The following SEMA3A variants were observed in gnomAD, a reference collection of about 807,000 sequenced individuals.
SEMA3A encodes the protein semaphorin-3A.
Under a neutral mutation model 97.9 loss-of-function variants are expected in SEMA3A, and 29 were observed. The ratio of observed to expected loss-of-function variants is 0.30; its 90% CI spans 0.22 to 0.40. SEMA3A has a LOEUF of 0.40. Among genes scored for constraint, SEMA3A ranks in the 10% least tolerant of loss-of-function variants. SEMA3A has a pLI of 1.00. For missense variants in SEMA3A, 763 were observed against 951.3 expected (o/e 0.80, Z 2.60); for synonymous variants, 321 against 323.7 (o/e 0.99, Z 0.09).
chr7:84,471,579 G>T (rs1806150677), intron 1 of SEMA3A, among the ~76,000 whole-genome samples: 1 of 152,016 alleles, frequency 6.6e-6, no homozygotes, highest in Non-Finnish European at 1.5e-5. Context: ...AGATTTGTGA[G>T]ACAATAATAC....
At chr7:84,236,965 C>T (rs1345386704) in intron 3 of SEMA3A, among the ~76,000 whole-genome samples, 2 of 151,898 alleles carry the variant, frequency 1.3e-5, no homozygotes, top group East Asian at 3.9e-4. Context: ...ATACTTAAAG[C>T]AATATCATAT....
intron 2 of SEMA3A, among the ~76,000 whole-genome samples, chr7:84,308,554 G>A (rs929212589): frequency 2.6e-5 from 4 of 152,134 alleles, no homozygotes; most frequent in African/African-American, 7.2e-5. Context: ...CATAATATAT[G>A]ACAAGAATGG....
intron 12 of SEMA3A, among the ~76,000 whole-genome samples, chr7:83,985,755 TGCACAGTGA>T (rs1168825926): frequency 2.0e-5 from 3 of 152,196 alleles, no homozygotes; most frequent in African/African-American, 7.2e-5. Flanking sequence ...AACATGAGCC[TGCACAGTGA>T]GCACAGTGAG....
At chr7:84,471,085 T>C (rs1308855867) in intron 1 of SEMA3A, among the ~76,000 whole-genome samples, 1 of 152,008 alleles carries the variant, frequency 6.6e-6, no homozygotes, top group Non-Finnish European at 1.5e-5. Flanking sequence ...AACTTTGAGG[T>C]TCATAACCAG....
intron 3 of SEMA3A, among the ~76,000 whole-genome samples, chr7:84,204,819 G>A (rs775716718): frequency 1.3e-5 from 2 of 152,162 alleles, no homozygotes; most frequent in African/African-American, 2.4e-5. Context: ...ACAAGTATGA[G>A]GTTGCCTTTG....
chr7:84,043,538 A>C (rs2115567212), intron 6 of SEMA3A, among the ~76,000 whole-genome samples: 1 of 152,242 alleles, frequency 6.6e-6, no homozygotes, highest in Non-Finnish European at 1.5e-5. Context: ...TTTGCAAAGC[A>C]ATGTGTTAAT....
intron 2 of SEMA3A, among the ~76,000 whole-genome samples, chr7:84,346,122 G>C (rs1038128216): frequency 6.6e-6 from 1 of 152,124 alleles, no homozygotes; most frequent in Admixed American, 6.5e-5. Flanking sequence ...CTGAAACCTT[G>C]TAAACCAACC....
At chr7:84,398,668 C>T (rs1803807215) in intron 1 of SEMA3A, among the ~76,000 whole-genome samples, 1 of 151,642 alleles carries the variant, frequency 6.6e-6, no homozygotes, top group Non-Finnish European at 1.5e-5. Context: ...ATTAGCCAAA[C>T]CTGGTGGCAT....
chr7:84,203,809 G>T (rs910486168), intron 3 of SEMA3A, among the ~76,000 whole-genome samples: 4 of 151,826 alleles, frequency 2.6e-5, no homozygotes, highest in Admixed American at 2.6e-4. Flanking sequence ...GGGATTACAG[G>T]AGTGAGCCAC....
intron 3 of SEMA3A, among the ~76,000 whole-genome samples, chr7:84,210,477 C>A (rs983629970): frequency 6.6e-6 from 1 of 151,078 alleles, no homozygotes; most frequent in Admixed American, 6.6e-5. Flanking sequence ...ACAATTTTGT[C>A]ATTAACAGGG....
At chr7:84,331,348 T>C (rs1801904740) in intron 2 of SEMA3A, among the ~76,000 whole-genome samples, 1 of 152,182 alleles carries the variant, frequency 6.6e-6, no homozygotes, top group South Asian at 2.1e-4. Flanking sequence ...AAACAAAGTC[T>C]GTTGAGTTTC....
At chr7:84,110,189 G>A (rs1471185965) in intron 4 of SEMA3A, among the ~76,000 whole-genome samples, 2 of 152,168 alleles carry the variant, frequency 1.3e-5, no homozygotes, top group Non-Finnish European at 1.5e-5. Flanking sequence ...CACACATTCA[G>A]CCTGCTGACA....
chr7:84,068,378 C>T (rs1464423833), intron 4 of SEMA3A, among the ~76,000 whole-genome samples: 1 of 143,398 alleles, frequency 7.0e-6, no homozygotes, highest in Non-Finnish European at 1.5e-5. Flanking sequence ...ACATATGTAA[C>T]TAACCTGCAC....
At chr7:84,325,816 A>C (rs977778511) in intron 2 of SEMA3A, among the ~76,000 whole-genome samples, 1 of 152,110 alleles carries the variant, frequency 6.6e-6, no homozygotes, top group Non-Finnish European at 1.5e-5. Flanking sequence ...TCACAAATTA[A>C]CACATCCATC....
chr7:84,162,593 A>T (rs576352347), intron 1 of SEMA3A, among the ~76,000 whole-genome samples: 50 of 150,914 alleles, frequency 3.3e-4, no homozygotes, highest in African/African-American at 7.5e-4. Flanking sequence ...ATTTTTTTTT[A>T]AAAAAAAATA....
chr7:84,466,955 CATAAAT>C (rs137955962), intron 1 of SEMA3A, among the ~76,000 whole-genome samples: 3,979 of 152,272 alleles, frequency 0.026, 162 homozygotes, highest in African/African-American at 0.09. Flanking sequence ...TCTCTCAGCC[CATAAAT>C]AGTTTCAAAC....
chr7:84,054,857 G>C (rs996474981), intron 5 of SEMA3A, among the ~76,000 whole-genome samples: 5 of 150,434 alleles, frequency 3.3e-5, no homozygotes, highest in African/African-American at 1.2e-4. Context: ...GGTCTTTGAT[G>C]ATGGTGATGC....
At chr7:84,228,469 C>T (rs1002340555) in intron 3 of SEMA3A, among the ~76,000 whole-genome samples, 3 of 152,034 alleles carry the variant, frequency 2.0e-5, no homozygotes, top group African/African-American at 7.2e-5. Context: ...CAAAACCTCT[C>T]TCTATCTTGT....
intron 3 of SEMA3A, among the ~76,000 whole-genome samples, chr7:84,235,425 A>C (rs148211326): frequency 1.3e-3 from 196 of 152,056 alleles, no homozygotes; most frequent in African/African-American, 4.3e-3. Flanking sequence ...GATTATCAAT[A>C]ATTATTGATT....
Sources: allele counts gnomAD v4.1 joint callset (sites outside exome capture counted in the v4.1 genomes callset), GRCh38; gene constraint gnomAD v4.1.1; transcripts MANE v1.5; gene names NCBI Gene and HGNC (gene_info 2026-07-23, HGNC 2026-07-21).